The following CDH1 variants were observed in gnomAD, a reference collection of about 807,000 sequenced individuals.
CDH1 encodes the protein cadherin-1.
Under a neutral mutation model 84.5 loss-of-function variants are expected in CDH1, and 35 were observed. The ratio of observed to expected loss-of-function variants is 0.41; its 90% confidence interval spans 0.32 to 0.55. The LOEUF (loss-of-function observed/expected upper bound fraction) is 0.55, where lower values mean the gene tolerates loss of function less well. Ranked by LOEUF, CDH1 falls within the 20% of genes least tolerant of loss-of-function variation. The pLI, the probability that CDH1 is intolerant of heterozygous loss-of-function variation, is 0.19. For missense variants in CDH1, 994 were observed against 1,126.6 expected, an observed-to-expected ratio of 0.88 and a Z score of 1.68; for synonymous variants, 417 against 439.0, an observed-to-expected ratio of 0.95 and a Z score of 0.63.
intron 8 of CDH1, 41 bp from the exon 9 acceptor site, chr16:68,813,272 G>T: frequency 6.2e-7 from 1 of 1,603,026 alleles, no homozygotes; most frequent in African/African-American, 1.3e-5. Flanking sequence ...TCTGCTAGCA[G>T]TCTTGGTACT....
At position 68,782,175 on chromosome 16, in the gene CDH1, A is replaced by G. The variant is rs1347762422; in HGVS notation, c.164-19495A>G. Among the ~76,000 whole-genome samples, 5 of 152,280 alleles carry G rather than the reference A, an allele frequency of 3.3e-5. No individual in the cohort carries two copies. The South Asian group carries it at 8.3e-4, about 25-fold the overall frequency. On this transcript the variant is annotated intron_variant, in intron 2 of 15. Transcript: ENST00000261769. ...CCACAGGCAAGGGACCACCACACCC[A>G]AAGGCAGGAGTGGCCAATCCTGAGG...
Position 68,801,877 on chromosome 16 carries a change from G to A in CDH1, c.371G>A (p.Arg124His), listed in dbSNP as rs115418995. 24 of 1,613,404 alleles carry A rather than the reference G, an allele frequency of 1.5e-5. No homozygotes were observed. The highest frequency in any genetic ancestry group is 1.5e-4 in the African/African-American group (11 of 74,998). The change falls in exon 3 of 16, where the codon CGC becomes CAC. Residue 124 changes from arginine (R) to histidine (H), a missense_variant. Transcript: ENST00000261769. The part of the protein sequence containing the change: ...VTLNTVGHHH[R>H]PPPHQASVSG... ...CTGAATACAGTGGGGCACCACCACCGCCCCCCGCCCCATCAGGTATGTTGG... is the reference window on the plus strand; with the variant it reads ...CTGAATACAGTGGGGCACCACCACCACCCCCCGCCCCATCAGGTATGTTGG...
rs1961233403 is a variant in CDH1 at position 68,823,546 on chromosome 16, G to A, written c.2084G>A (p.Cys695Tyr). 1 of 1,614,056 alleles carries A rather than the reference G, an allele frequency of 6.2e-7. No homozygotes were observed. The highest frequency in any genetic ancestry group is 8.5e-7 in the Non-Finnish European group (1 of 1,180,008). The change falls in exon 13 of 16, where the codon TGT becomes TAT. Residue 695 changes from cysteine to tyrosine, a missense_variant. Cys to Tyr is a radical substitution (Grantham distance 194). Transcript: ENST00000261769. Reference sequence around the variant, plus strand: ...GACTGTGAAGGGGCCGCTGGCGTCTGTAGGAAGGCACAGCCTGTCGAAGCA... The same window carrying A: ...GACTGTGAAGGGGCCGCTGGCGTCTATAGGAAGGCACAGCCTGTCGAAGCA... ...VCDCEGAAGV[C>Y]RKAQPVEAGL...
At chr16:68,823,652 GC>G in intron 13 of CDH1, 26 bp downstream of exon 13, 1 of 1,483,650 alleles carries the variant, frequency 6.7e-7, no homozygotes. Context: ...AAGTGACTCA[GC>G]CTTTGACTTA....
At chr16:68,816,829 C>A (rs1345748747) in intron 10 of CDH1, among the ~76,000 whole-genome samples, 1 of 152,140 alleles carries the variant, frequency 6.6e-6, no homozygotes, top group African/African-American at 2.4e-5. Context: ...TCTACATGCT[C>A]CAAACTGTAA....
At chr16:68,752,973 C>T (rs1471257483) in intron 2 of CDH1, among the ~76,000 whole-genome samples, 1 of 152,096 alleles carries the variant, frequency 6.6e-6, no homozygotes, top group African/African-American at 2.4e-5. Context: ...GTTCAAGAAC[C>T]GATGTCTGTT....
chr16:68,751,072 C>T (rs1489873719), intron 2 of CDH1, among the ~76,000 whole-genome samples: 2 of 152,118 alleles, frequency 1.3e-5, no homozygotes, highest in African/African-American at 2.4e-5. Context: ...TCCTGGTCTC[C>T]CCACTTATTC....
chr16:68,798,881 G>A (rs1292807234), intron 2 of CDH1, among the ~76,000 whole-genome samples: 1 of 152,122 alleles, frequency 6.6e-6, no homozygotes, highest in African/African-American at 2.4e-5. Context: ...TTAAGGACTT[G>A]GCATTTCTTC....
chr16:68,740,674 T>C (rs1258639379), intron 2 of CDH1, among the ~76,000 whole-genome samples: 1 of 152,192 alleles, frequency 6.6e-6, no homozygotes, highest in Non-Finnish European at 1.5e-5. Context: ...TCTAAGCTCC[T>C]GTGTTTGACC....
chr16:68,762,940 A>G (rs1037827681), intron 2 of CDH1, among the ~76,000 whole-genome samples: 1 of 131,628 alleles, frequency 7.6e-6, no homozygotes, highest in East Asian at 2.2e-4. Context: ...AAAAAAAAAA[A>G]AAAGCCCCAA....
chr16:68,811,667 T>C lies in CDH1; in HGVS notation c.833-17T>C, dbSNP rs1057520572. The C allele has an allele frequency of 2.5e-6, 4 of 1,613,412 alleles. No homozygotes were observed. Among genetic ancestry groups the C allele is most frequent in the Non-Finnish European group, 3.4e-6 (4 of 1,179,592 alleles). On this transcript the variant is annotated splice_polypyrimidine_tract_variant and intron_variant, in intron 6 of 15. Transcript: ENST00000261769. ...AGTGCAGCTTGTCTAAACCTTCATC[T>C]CCTTGAACTCTTCCAGGAACCTCTG...
intron 3 of CDH1, among the ~76,000 whole-genome samples, chr16:68,807,231 T>C (rs1819167890): frequency 1.3e-5 from 2 of 152,228 alleles, no homozygotes; most frequent in Non-Finnish European, 2.9e-5. Flanking sequence ...CAACAGCTTC[T>C]GTTAGAACAA....
At chr16:68,772,105 C>G (rs1481159564) in intron 2 of CDH1, among the ~76,000 whole-genome samples, 1 of 152,182 alleles carries the variant, frequency 6.6e-6, no homozygotes, top group Admixed American at 6.5e-5. Flanking sequence ...CTGGGGCTCT[C>G]AACCACTTAA....
chr16:68,797,092 T>C (rs1445085197), intron 2 of CDH1, among the ~76,000 whole-genome samples: 1 of 152,122 alleles, frequency 6.6e-6, no homozygotes, highest in Non-Finnish European at 1.5e-5. Context: ...ATGTTTAAAA[T>C]ACTAATAAAA....
chr16:68,803,398 G>T (rs1257982248), intron 3 of CDH1, among the ~76,000 whole-genome samples: 1 of 152,112 alleles, frequency 6.6e-6, no homozygotes, highest in Non-Finnish European at 1.5e-5. Context: ...ATGATCCAGA[G>T]ACAGTTTTAT....
intron 2 of CDH1, among the ~76,000 whole-genome samples, chr16:68,774,130 G>C (rs1959662267): frequency 6.6e-6 from 1 of 152,134 alleles, no homozygotes; most frequent in South Asian, 2.1e-4. Context: ...GCCCAGGCTG[G>C]TCTTGATTCC....
chr16:68,747,695 G>A (rs1158910720), intron 2 of CDH1, among the ~76,000 whole-genome samples: 8 of 152,180 alleles, frequency 5.3e-5, no homozygotes, highest in Non-Finnish European at 1.5e-5. Context: ...ACAAAGCATA[G>A]CATATGATAG....
At chr16:68,784,231 T>G (rs1009803763) in intron 2 of CDH1, among the ~76,000 whole-genome samples, 2 of 152,190 alleles carry the variant, frequency 1.3e-5, no homozygotes, top group South Asian at 4.1e-4. Flanking sequence ...AAAGCCATAC[T>G]GATTCCTACT....
At position 68,835,264 on chromosome 16, in the gene CDH1, A is replaced by G. The variant is rs1343770513; in HGVS notation, c.*1765A>G. 4.4e-6 allele frequency: 1 copy of G among 228,706 alleles called. No homozygotes were observed. Among genetic ancestry groups the G allele is most frequent in the Non-Finnish European group, 8.7e-6 (1 of 115,348 alleles). The allele number at this position is 228,706 out of a possible 1,614,324, so 14.2% of individuals were successfully genotyped here. ...TCAACTTTTGACAATCAAAGAAAAG[A>G]CTTTTGTTGAAATAGCTTTACTGTT... On this transcript the variant is annotated 3_prime_UTR_variant, in exon 16 of 16. Transcript: ENST00000261769.
Sources: gnomAD v4.1 joint callset for allele counts (sites outside exome capture counted in the v4.1 genomes callset) on GRCh38, gnomAD v4.1.1 for gene constraint, MANE v1.5 for transcripts, NCBI Gene and HGNC (gene_info 2026-07-23, HGNC 2026-07-21) for gene names.